Variants in WWOX observed in about 807,000 individuals in gnomAD.
WWOX encodes WW domain-containing oxidoreductase.
A neutral mutation model predicts 46.2 loss-of-function variants in WWOX; 69 were observed. The observed-to-expected ratio is 1.49, with a 90% CI of 1.23 to 1.82. The LOEUF is 1.82. Ranked by LOEUF, WWOX falls within the 40% of genes most tolerant of loss-of-function variation. WWOX has a pLI of 0.00. For missense variants in WWOX, 919 were observed against 542.6 expected (o/e 1.69, Z -6.89); for synonymous variants, 359 against 202.6 (o/e 1.77, Z -6.56).
chr16:78,892,790 G>A (rs1225962151), intron 8 of WWOX, among the ~76,000 whole-genome samples: 2 of 152,192 alleles, frequency 1.3e-5, no homozygotes, highest in Non-Finnish European at 1.5e-5. Context: ...TGTTAGCCAC[G>A]ATTTGGACCA....
At chr16:78,640,090 G>C (rs1458256846) in intron 8 of WWOX, among the ~76,000 whole-genome samples, 5 of 152,108 alleles carry the variant, frequency 3.3e-5, no homozygotes, top group African/African-American at 4.8e-5. Flanking sequence ...GTTCAAAATA[G>C]AAACACAAAG....
chr16:78,903,265 G>C (rs1157770181), intron 8 of WWOX, among the ~76,000 whole-genome samples: 3 of 152,202 alleles, frequency 2.0e-5, no homozygotes, highest in African/African-American at 4.8e-5. Context: ...CAACCAATCA[G>C]AGGCTGAAGT....
chr16:78,789,198 A>G (rs2050531665), intron 8 of WWOX, among the ~76,000 whole-genome samples: 1 of 152,094 alleles, frequency 6.6e-6, no homozygotes, highest in African/African-American at 2.4e-5. Flanking sequence ...GTGGTGTGAG[A>G]GCAGAAGGGA....
chr16:78,419,547 A>T (rs1370305327), intron 6 of WWOX, among the ~76,000 whole-genome samples: 1 of 146,654 alleles, frequency 6.8e-6, no homozygotes, highest in Non-Finnish European at 1.5e-5. Context: ...TTCAACAGTG[A>T]TGCTAGAACC....
At chr16:78,610,854 G>A (rs776970894) in intron 8 of WWOX, among the ~76,000 whole-genome samples, 1 of 152,076 alleles carries the variant, frequency 6.6e-6, no homozygotes, top group Non-Finnish European at 1.5e-5. Flanking sequence ...TACAAATGTG[G>A]CATTAAGTAG....
At chr16:78,673,003 T>G (rs562058392) in intron 8 of WWOX, among the ~76,000 whole-genome samples, 1 of 152,290 alleles carries the variant, frequency 6.6e-6, no homozygotes, top group East Asian at 1.9e-4. Context: ...TGTCAGAACT[T>G]GGAAATTTAA....
intron 8 of WWOX, among the ~76,000 whole-genome samples, chr16:78,955,973 AAAAC>A (rs1182652947): frequency 6.6e-6 from 1 of 150,462 alleles, no homozygotes; most frequent in Non-Finnish European, 1.5e-5. Context: ...ACTTTAGAAA[AAAAC>A]AAAAAACAAA....
At chr16:78,432,120 GC>G (rs1437975929) in intron 7 of WWOX, among the ~76,000 whole-genome samples, 3 of 132,984 alleles carry the variant, frequency 2.3e-5, no homozygotes, top group African/African-American at 1.1e-4. Flanking sequence ...TCCTCAGATT[GC>G]TTTTTTTTTT....
intron 8 of WWOX, among the ~76,000 whole-genome samples, chr16:78,524,387 C>CATTT (rs932217035): frequency 1.2e-3 from 112 of 95,152 alleles, no homozygotes; most frequent in South Asian, 1.9e-3. Context: ...CTAGAGATTT[C>CATTT]ATTTATTTAT....
At chr16:78,834,913 C>G (rs777629026) in intron 8 of WWOX, among the ~76,000 whole-genome samples, 4 of 152,196 alleles carry the variant, frequency 2.6e-5, no homozygotes, top group Non-Finnish European at 5.9e-5. Context: ...CCACCTTAGT[C>G]TGAGCAATCA....
chr16:78,846,882 G>T lies in WWOX; in HGVS notation c.1057-364726G>T, dbSNP rs949147141. ...TTGGTGGGAATTCTTCTACATGGAA[G>T]GCTGTTTCTTCTTCTCCATTTATAT... On this transcript the variant is annotated intron_variant, in intron 8 of 8. Coordinates refer to ENST00000566780, the MANE Select transcript of WWOX (RefSeq NM_016373.4). Among the ~76,000 whole-genome samples, 6 of 152,272 alleles carry T rather than the reference G, an allele frequency of 3.9e-5. No individual in the cohort carries two copies. In the South Asian group the frequency reaches 1.2e-3, roughly 32 times the overall value.
intron 5 of WWOX, among the ~76,000 whole-genome samples, chr16:78,222,533 G>A (rs1297398103): frequency 6.6e-6 from 1 of 152,074 alleles, no homozygotes; most frequent in African/African-American, 2.4e-5. Flanking sequence ...TTTTGCAGCC[G>A]AGACATCGGG....
At chr16:78,334,169 G>A (rs1038038289) in intron 5 of WWOX, among the ~76,000 whole-genome samples, 7 of 152,228 alleles carry the variant, frequency 4.6e-5, no homozygotes, top group South Asian at 4.1e-4. Context: ...AAATGCATTC[G>A]CCTAATGTAA....
At position 78,328,818 on chromosome 16, in the gene WWOX, C is replaced by T. The variant is rs536802170; in HGVS notation, c.517-58042C>T. 7.8e-5 allele frequency among the ~76,000 whole-genome samples: 9 copies of T among 115,288 alleles called. No homozygotes were observed. In the South Asian group the frequency reaches 2.9e-3, roughly 37 times the overall value. The allele number at this position is 115,288 out of a possible 152,430, so 75.6% of individuals were successfully genotyped here. A position where few individuals can be genotyped will look rare whatever the true frequency, so the allele number is the denominator to read the frequency against. On this transcript the variant is annotated intron_variant, in intron 5 of 8. Transcript: ENST00000566780. Reference sequence around the variant, plus strand: ...GGTCTCAGGGTGGTTGACCTTTTGCCGATGTGTTTTTCTTTTTTCTTTTCT... The same window carrying T: ...GGTCTCAGGGTGGTTGACCTTTTGCTGATGTGTTTTTCTTTTTTCTTTTCT...
At chr16:78,130,758 C>T (rs968264949) in intron 4 of WWOX, among the ~76,000 whole-genome samples, 4 of 152,228 alleles carry the variant, frequency 2.6e-5, no homozygotes, top group Admixed American at 6.5e-5. Flanking sequence ...CATTTATTGA[C>T]TACTGAGTAC....
At chr16:78,369,532 G>A (rs763086035) in intron 5 of WWOX, among the ~76,000 whole-genome samples, 3 of 152,284 alleles carry the variant, frequency 2.0e-5, no homozygotes, top group East Asian at 1.9e-4. Context: ...CAGCTCACTC[G>A]GCCTGCGCTG....
chr16:78,364,035 C>T (rs1017308933), intron 5 of WWOX, among the ~76,000 whole-genome samples: 5 of 152,204 alleles, frequency 3.3e-5, no homozygotes, highest in East Asian at 1.9e-4. Context: ...CTCTTGGCCC[C>T]GTGCCACATC....
chr16:79,068,802 A>G (rs946142294), intron 8 of WWOX, among the ~76,000 whole-genome samples: 1 of 147,648 alleles, frequency 6.8e-6, no homozygotes, highest in Admixed American at 6.9e-5. Context: ...TAGAGCCAGA[A>G]CTTGTCTCAA....
chr16:78,616,152 T>C (rs1285598739), intron 8 of WWOX, among the ~76,000 whole-genome samples: 3 of 152,068 alleles, frequency 2.0e-5, no homozygotes, highest in African/African-American at 7.2e-5. Flanking sequence ...TGGTAGCAAT[T>C]GTCTTCGGCT....
Sources: gnomAD v4.1 joint callset for allele counts (sites outside exome capture counted in the v4.1 genomes callset) on GRCh38, gnomAD v4.1.1 for gene constraint, MANE v1.5 for transcripts, NCBI Gene and HGNC (gene_info 2026-07-23, HGNC 2026-07-21) for gene names.